The following PDS5B variants were observed in gnomAD, a reference collection of about 807,000 sequenced individuals.
The protein encoded by PDS5B is sister chromatid cohesion protein PDS5 homolog B.
Under a neutral mutation model 184.1 loss-of-function variants are expected in PDS5B, and 51 were observed. The ratio of observed to expected loss-of-function variants is 0.28; its 90% confidence interval spans 0.22 to 0.35. PDS5B has a LOEUF of 0.35. Ranked by LOEUF, PDS5B falls within the 10% of genes least tolerant of loss-of-function variation. The probability of loss-of-function intolerance (pLI) is 1.00; values close to 1 mark genes in which losing one functional copy is unlikely to be tolerated. For synonymous variants in PDS5B, 566 were observed against 569.2 expected, an observed-to-expected ratio of 0.99 and a Z score of 0.08; for missense variants, 1,180 against 1,723.3, an observed-to-expected ratio of 0.68 and a Z score of 5.58.
chr13:32,641,071 A>G lies in PDS5B; in HGVS notation c.-19-7683A>G, dbSNP rs1393841992. On this transcript the variant is annotated intron_variant, in intron 1 of 34. Coordinates refer to ENST00000315596, the MANE Select transcript of PDS5B (RefSeq NM_015032.4). The stretch of plus-strand genomic sequence containing the variant: ...GACTCCGTCTCAAAAAAAAAAAAAA[A>G]AAAATCACATTTTTCTGTAATATAC... Among the ~76,000 whole-genome samples the G allele has an allele frequency of 3.9e-5, 6 of 152,098 alleles. No homozygotes were observed. The East Asian group carries it at 1.2e-3, about 29-fold the overall frequency.
At chr13:32,640,765 A>C (rs1489569932) in intron 1 of PDS5B, among the ~76,000 whole-genome samples, 3 of 149,192 alleles carry the variant, frequency 2.0e-5, no homozygotes, top group Non-Finnish European at 4.4e-5. Flanking sequence ...ATAAATCAGC[A>C]CATTGTTGGC....
At chr13:32,587,439 C>T (rs1475184773) in intron 1 of PDS5B, among the ~76,000 whole-genome samples, 2 of 152,168 alleles carry the variant, frequency 1.3e-5, no homozygotes, top group African/African-American at 2.4e-5. Flanking sequence ...ATTGTTTTTA[C>T]ACTGTTATTT....
At position 32,673,365 on chromosome 13, in the gene PDS5B, T is replaced by C. The variant is rs1264968019; in HGVS notation, c.846+9T>C. ...TTGAATTTAAATTAAAGGTAACTTGTAAAAATAATATGATTCTACCAACCA... is the reference window on the plus strand; with the variant it reads ...TTGAATTTAAATTAAAGGTAACTTGCAAAAATAATATGATTCTACCAACCA... On this transcript the variant is annotated intron_variant, in intron 8 of 34. Coordinates refer to ENST00000315596, the MANE Select transcript of PDS5B (RefSeq NM_015032.4). The C allele has an allele frequency of 2.5e-6, 4 of 1,600,882 alleles. No individual in the cohort carries two copies. Among genetic ancestry groups the C allele is most frequent in the Non-Finnish European group, 3.4e-6 (4 of 1,173,134 alleles).
chr13:32,748,945 A>G (rs189122298), intron 24 of PDS5B, among the ~76,000 whole-genome samples: 21 of 152,112 alleles, frequency 1.4e-4, no homozygotes, highest in African/African-American at 5.1e-4. Flanking sequence ...TGTAATCATC[A>G]TTAGCTCTCA....
In PDS5B at chr13:32,671,072, T is replaced by C. The variant is rs535388809; in HGVS notation, c.706-2144T>C. On this transcript the variant is annotated intron_variant, in intron 7 of 34. Transcript: ENST00000315596. ...ATCTAAATCTACCTCCACTAAATTT[T>C]CACCTCTTAGGAAGGACTTGGATTG... 3.9e-5 allele frequency among the ~76,000 whole-genome samples: 6 copies of C among 152,360 alleles called. 1 individual carries two copies. The South Asian group carries it at 1.0e-3, about 26-fold the overall frequency.
At chr13:32,594,023 G>T (rs1473994155) in intron 1 of PDS5B, among the ~76,000 whole-genome samples, 1 of 152,194 alleles carries the variant, frequency 6.6e-6, no homozygotes, top group Non-Finnish European at 1.5e-5. Context: ...AATGTTTGAA[G>T]TGATGGATAT....
chr13:32,736,854 C>A (rs573122086), intron 21 of PDS5B, among the ~76,000 whole-genome samples: 1 of 152,062 alleles, frequency 6.6e-6, no homozygotes, highest in East Asian at 1.9e-4. Flanking sequence ...TCTGACCTAT[C>A]TTTGAGTTCA....
intron 1 of PDS5B, among the ~76,000 whole-genome samples, chr13:32,643,760 C>T (rs1950156667): frequency 6.6e-6 from 1 of 152,110 alleles, no homozygotes. Flanking sequence ...ATGTAGTAGT[C>T]TGTTCCATTT....
intron 16 of PDS5B, among the ~76,000 whole-genome samples, chr13:32,700,290 G>A (rs1951831025): frequency 6.6e-6 from 1 of 151,946 alleles, no homozygotes; most frequent in Admixed American, 6.6e-5. Context: ...ACAATTGCAT[G>A]GGCTAACAGC....
chr13:32,603,773 G>A (rs1157505307), intron 1 of PDS5B, among the ~76,000 whole-genome samples: 1 of 152,162 alleles, frequency 6.6e-6, no homozygotes, highest in African/African-American at 2.4e-5. Flanking sequence ...GCAGTGGTTT[G>A]TAGTTCTCTT....
chr13:32,771,945 A>T (rs895393631), intron 33 of PDS5B, among the ~76,000 whole-genome samples: 3 of 121,626 alleles, frequency 2.5e-5, no homozygotes, highest in Admixed American at 7.7e-5. Context: ...AGTATTTCTT[A>T]AAAAAAAAAA....
intron 1 of PDS5B, among the ~76,000 whole-genome samples, chr13:32,610,788 G>A (rs1593258708): frequency 6.6e-6 from 1 of 152,072 alleles, no homozygotes; most frequent in African/African-American, 2.4e-5. Context: ...CTAGGAAAGA[G>A]ATTACTTACC....
chr13:32,716,657 A>G (rs1952436343), intron 19 of PDS5B, among the ~76,000 whole-genome samples: 2 of 98,072 alleles, frequency 2.0e-5, no homozygotes, highest in Non-Finnish European at 4.6e-5. Context: ...CCCGTTTGGG[A>G]GGGAGGTGGG....
intron 24 of PDS5B, among the ~76,000 whole-genome samples, chr13:32,747,997 A>G (rs1304423680): frequency 6.6e-6 from 1 of 152,194 alleles, no homozygotes; most frequent in Non-Finnish European, 1.5e-5. Context: ...ATACATTGCC[A>G]CCTCAAGCAC....
chr13:32,758,183 A>G lies in PDS5B; in HGVS notation c.3153A>G (p.Lys1051=). The G allele has an allele frequency of 1.3e-6, 2 of 1,542,186 alleles. No homozygotes were observed. Among genetic ancestry groups the G allele is most frequent in the Non-Finnish European group, 1.8e-6 (2 of 1,130,756 alleles). Residue 1051 remains lysine (K), a synonymous_variant, in exon 27 of 35, where the codon AAA becomes AAG. Coordinates refer to ENST00000315596, the MANE Select transcript of PDS5B (RefSeq NM_015032.4). ...RKMVENIKQT[K]DAQGPDDAKM... is the part of the protein sequence containing the mutation. The stretch of plus-strand genomic sequence containing the variant: ...TGGTAGAAAATATTAAACAAACAAA[A>G]GATGCCCAAGGACCAGATGATGCAA...
intron 21 of PDS5B, among the ~76,000 whole-genome samples, chr13:32,736,343 G>C (rs191008790): frequency 1.3e-5 from 2 of 151,348 alleles, no homozygotes; most frequent in Non-Finnish European, 3.0e-5. Flanking sequence ...GTTTTTGTTT[G>C]TCTGGAAAGA....
At position 32,746,811 on chromosome 13, in the gene PDS5B, C is replaced by A. The variant is rs566770440; in HGVS notation, c.2736+711C>A. ...GGGAATGTGCACATCTGGCTACTTA[C>A]ATTTTTTGCTGCTTTGTGTATTTAC... On this transcript the variant is annotated intron_variant, in intron 24 of 34. Coordinates refer to ENST00000315596, the MANE Select transcript of PDS5B (RefSeq NM_015032.4). Among the ~76,000 whole-genome samples, 6 of 152,316 alleles carry A rather than the reference C, an allele frequency of 3.9e-5. No homozygotes were observed. In the South Asian group the frequency reaches 6.2e-4, roughly 16 times the overall value.
chr13:32,588,819 T>C (rs910817954), intron 1 of PDS5B, among the ~76,000 whole-genome samples: 1 of 152,276 alleles, frequency 6.6e-6, no homozygotes, highest in Admixed American at 6.5e-5. Flanking sequence ...CGAAGTAACA[T>C]TTTGAGCAGT....
At chr13:32,599,531 T>C (rs1004554310) in intron 1 of PDS5B, among the ~76,000 whole-genome samples, 6 of 151,838 alleles carry the variant, frequency 4.0e-5, no homozygotes, top group Non-Finnish European at 8.8e-5. Flanking sequence ...CCCAAAGTGC[T>C]GGGATTACAG....
Sources: allele counts gnomAD v4.1 joint callset (sites outside exome capture counted in the v4.1 genomes callset), GRCh38; gene constraint gnomAD v4.1.1; transcripts MANE v1.5; gene names NCBI Gene and HGNC (gene_info 2026-07-23, HGNC 2026-07-21).